The following CALN1 variants were observed in gnomAD, a reference collection of about 807,000 sequenced individuals.
CALN1 encodes calneuron 1.
In CALN1, 17 loss-of-function variants were observed where a neutral mutation model predicts 30.6. The ratio of observed to expected loss-of-function variants is 0.56; its 90% CI spans 0.38 to 0.83. The LOEUF is 0.83. Among genes scored for constraint, CALN1 ranks in the 40% least tolerant of loss-of-function variants. CALN1 has a pLI of 0.00. For synonymous variants in CALN1, 156 were observed against 131.4 expected, an observed-to-expected ratio of 1.19 and a Z score of -1.28; for missense variants, 291 against 354.9, an observed-to-expected ratio of 0.82 and a Z score of 1.45.
At chr7:72,110,995 T>G (rs1354470052) in intron 3 of CALN1, among the ~76,000 whole-genome samples, 1 of 152,162 alleles carries the variant, frequency 6.6e-6, no homozygotes, top group African/African-American at 2.4e-5. Flanking sequence ...AGATCAAGTT[T>G]TCAAGAACAG....
intron 4 of CALN1, among the ~76,000 whole-genome samples, chr7:72,080,390 A>C (rs1805054260): frequency 6.6e-6 from 1 of 152,156 alleles, no homozygotes; most frequent in South Asian, 2.1e-4. Context: ...ACAGGGATTG[A>C]TTTACTGCGT....
At chr7:71,997,570 G>A (rs1014689170) in intron 5 of CALN1, among the ~76,000 whole-genome samples, 1 of 152,086 alleles carries the variant, frequency 6.6e-6, no homozygotes, top group Non-Finnish European at 1.5e-5. Flanking sequence ...GATGCAACAA[G>A]CTGATCAAAC....
At chr7:72,092,994 T>C (rs1372559613) in intron 4 of CALN1, among the ~76,000 whole-genome samples, 4 of 152,150 alleles carry the variant, frequency 2.6e-5, no homozygotes, top group African/African-American at 9.7e-5. Flanking sequence ...TTTGTGGTTT[T>C]AAGCCACTGC....
At chr7:72,272,813 C>T (rs1227585446) in intron 3 of CALN1, among the ~76,000 whole-genome samples, 2 of 152,172 alleles carry the variant, frequency 1.3e-5, no homozygotes, top group Admixed American at 6.5e-5. Context: ...AAACCCACTT[C>T]AGCAGCACCC....
intron 4 of CALN1, among the ~76,000 whole-genome samples, chr7:72,056,016 T>C (rs1355721991): frequency 6.6e-6 from 1 of 152,202 alleles, no homozygotes; most frequent in Admixed American, 6.6e-5. Flanking sequence ...CAAGATCCTG[T>C]CTCAATTAAA....
At chr7:72,084,760 G>T (rs1176776986) in intron 4 of CALN1, among the ~76,000 whole-genome samples, 1 of 152,170 alleles carries the variant, frequency 6.6e-6, no homozygotes, top group Non-Finnish European at 1.5e-5. Flanking sequence ...CTCATCAAAA[G>T]ATACTACAGT....
intron 3 of CALN1, among the ~76,000 whole-genome samples, chr7:72,234,331 C>G (rs921452519): frequency 6.6e-6 from 1 of 152,200 alleles, no homozygotes; most frequent in Non-Finnish European, 1.5e-5. Context: ...CAGCAAAGTA[C>G]CTCCCACAGT....
intron 2 of CALN1, among the ~76,000 whole-genome samples, chr7:72,375,039 T>C (rs1370635179): frequency 6.6e-6 from 1 of 152,150 alleles, no homozygotes; most frequent in Admixed American, 6.5e-5. Context: ...AAAAAAGGCA[T>C]CCAGATTGGA....
chr7:72,230,014 G>A (rs145769554), intron 3 of CALN1, among the ~76,000 whole-genome samples: 3,561 of 150,858 alleles, frequency 0.024, 144 homozygotes, highest in African/African-American at 0.081. Context: ...GGTGGTGGGC[G>A]CCTGTAGTTC....
intron 5 of CALN1, among the ~76,000 whole-genome samples, chr7:71,879,912 T>C (rs1792468033): frequency 6.6e-6 from 1 of 152,136 alleles, no homozygotes; most frequent in East Asian, 1.9e-4. Context: ...GAACACAAAA[T>C]ATTTGGAGTA....
intron 4 of CALN1, among the ~76,000 whole-genome samples, chr7:72,051,022 A>G (rs967349906): frequency 6.6e-6 from 1 of 150,724 alleles, no homozygotes; most frequent in Admixed American, 6.6e-5. Context: ...ATAAATAAAT[A>G]AATAAATAAA....
chr7:71,922,856 C>T (rs1378139047), intron 5 of CALN1, among the ~76,000 whole-genome samples: 4 of 132,510 alleles, frequency 3.0e-5, no homozygotes, highest in African/African-American at 1.2e-4. Flanking sequence ...ATATAATATA[C>T]ACAATGTATA....
chr7:72,036,887 T>G (rs1801832888), intron 4 of CALN1, among the ~76,000 whole-genome samples: 1 of 152,152 alleles, frequency 6.6e-6, no homozygotes, highest in South Asian at 2.1e-4. Flanking sequence ...TATGTTAATG[T>G]AATAAGTGGT....
chr7:71,983,753 C>T (rs1584677394), intron 5 of CALN1, among the ~76,000 whole-genome samples: 1 of 151,938 alleles, frequency 6.6e-6, no homozygotes, highest in Non-Finnish European at 1.5e-5. Flanking sequence ...GCTGGTCTCG[C>T]ACTCCTGACC....
intron 4 of CALN1, among the ~76,000 whole-genome samples, chr7:72,090,453 T>G (rs562126258): frequency 6.7e-5 from 10 of 150,230 alleles, no homozygotes; most frequent in African/African-American, 2.5e-4. Flanking sequence ...CAAAACCGTC[T>G]ATTAAAATTT....
intron 5 of CALN1, among the ~76,000 whole-genome samples, chr7:71,965,278 G>A (rs1480032265): frequency 7.2e-5 from 11 of 152,046 alleles, no homozygotes; most frequent in Admixed American, 6.6e-5. Flanking sequence ...TGATCCTCCC[G>A]CCTCAGCCTC....
At chr7:72,205,551 A>AAATATATACATATATATGTAT in intron 3 of CALN1, among the ~76,000 whole-genome samples, 7 of 83,042 alleles carry the variant, frequency 8.4e-5, no homozygotes, top group Non-Finnish European at 1.4e-4. Context: ...GCAAAAAAAA[A>AAATATATACATATATATGTAT]ATATATATAT....
At chr7:71,999,188 A>G (rs1456302154) in intron 5 of CALN1, among the ~76,000 whole-genome samples, 1 of 152,230 alleles carries the variant, frequency 6.6e-6, no homozygotes, top group Non-Finnish European at 1.5e-5. Flanking sequence ...ATCAATACAA[A>G]TAAAGTCAAC....
chr7:72,199,897 T>A (rs1009298051), intron 3 of CALN1, among the ~76,000 whole-genome samples: 2 of 152,126 alleles, frequency 1.3e-5, no homozygotes, highest in Non-Finnish European at 2.9e-5. Context: ...TAACTCTAGA[T>A]GGAATCCCTA....
Sources: allele counts gnomAD v4.1 joint callset (sites outside exome capture counted in the v4.1 genomes callset), GRCh38; gene constraint gnomAD v4.1.1; transcripts MANE v1.5; gene names NCBI Gene and HGNC (gene_info 2026-07-23, HGNC 2026-07-21).